Variants in HS3ST4 observed in about 807,000 individuals in gnomAD.
The protein encoded by HS3ST4 is heparan sulfate glucosamine 3-O-sulfotransferase 4.
A neutral mutation model predicts 29.2 loss-of-function variants in HS3ST4; 17 were observed. The observed-to-expected ratio is 0.58, with a 90% confidence interval of 0.40 to 0.87. The LOEUF (loss-of-function observed/expected upper bound fraction) is 0.87, where lower values mean the gene tolerates loss of function less well. HS3ST4 is among the 40% of genes least tolerant of loss of function. The pLI is 0.00. For synonymous variants in HS3ST4, 314 were observed against 285.7 expected, an observed-to-expected ratio of 1.10 and a Z score of -1.00; for missense variants, 627 against 634.5, an observed-to-expected ratio of 0.99 and a Z score of 0.13.
Position 25,715,347 on chromosome 16 carries a change from CAAA to C in HS3ST4, c.734+22208_734+22210del, listed in dbSNP as rs57882177. Among the ~76,000 whole-genome samples the C allele has an allele frequency of 3.2e-3, 404 of 127,892 alleles. 4 individuals carry two copies. Among genetic ancestry groups the C allele is most frequent in the African/African-American group, 0.011 (382 of 34,614 alleles). The allele number at this position is 127,892 out of a possible 152,430, so 83.9% of individuals were successfully genotyped here. A position where few individuals can be genotyped will look rare whatever the true frequency, so the allele number is the denominator to read the frequency against. ...CCGTCTCAAAAAAAAAAAAAAAAACCAAAAAAAAAAAAAACTCAGCGCCTTTTG... is the reference window on the plus strand; with the variant it reads ...CCGTCTCAAAAAAAAAAAAAAAAACCAAAAAAAAAAACTCAGCGCCTTTTG... On this transcript the variant is annotated intron_variant, in intron 1 of 1. Transcript: ENST00000331351.
intron 1 of HS3ST4, among the ~76,000 whole-genome samples, chr16:25,750,047 G>T (rs1377019056): frequency 6.6e-6 from 1 of 152,188 alleles, no homozygotes; most frequent in African/African-American, 2.4e-5. Context: ...CAAAAAGGTT[G>T]TTTCCCTCCA....
intron 1 of HS3ST4, among the ~76,000 whole-genome samples, chr16:25,932,873 G>A (rs1302275579): frequency 6.6e-6 from 1 of 152,216 alleles, no homozygotes; most frequent in Non-Finnish European, 1.5e-5. Context: ...TTTCCAGACA[G>A]GGAAGGTGAA....
At chr16:25,815,710 T>C (rs1967086718) in intron 1 of HS3ST4, among the ~76,000 whole-genome samples, 1 of 152,228 alleles carries the variant, frequency 6.6e-6, no homozygotes, top group African/African-American at 2.4e-5. Flanking sequence ...TGTGAGGGGC[T>C]AACTGAAACT....
chr16:26,125,037 G>C (rs1899324021), intron 1 of HS3ST4, among the ~76,000 whole-genome samples: 1 of 152,206 alleles, frequency 6.6e-6, no homozygotes, highest in South Asian at 2.1e-4. Context: ...GGTTTATGAT[G>C]CTTGGGTGTA....
At chr16:26,028,085 C>A (rs1378087922) in intron 1 of HS3ST4, among the ~76,000 whole-genome samples, 1 of 151,804 alleles carries the variant, frequency 6.6e-6, no homozygotes, top group Non-Finnish European at 1.5e-5. Context: ...CCAGCCTGAC[C>A]AACATGGTGA....
At position 25,854,154 on chromosome 16, in the gene HS3ST4, G is replaced by A. The variant is rs138114054; in HGVS notation, c.734+161003G>A. The stretch of plus-strand genomic sequence containing the variant: ...TTGAGACAGGGTCTTTGTTGCCAAG[G>A]TTGGAGTGCAGTGGCACAATGATAG... On this transcript the variant is annotated intron_variant, in intron 1 of 1. Coordinates refer to ENST00000331351, the MANE Select transcript of HS3ST4 (RefSeq NM_006040.3). Among the ~76,000 whole-genome samples, 1,198 of 152,042 alleles carry A rather than the reference G, an allele frequency of 7.9e-3. 16 individuals are homozygous for A. The highest frequency in any genetic ancestry group is 0.027 in the African/African-American group (1,139 of 41,470).
intron 1 of HS3ST4, among the ~76,000 whole-genome samples, chr16:26,014,303 G>GA (rs2141742304): frequency 6.6e-6 from 1 of 152,242 alleles, no homozygotes; most frequent in South Asian, 2.1e-4. Context: ...ATGAATGAAT[G>GA]AAAGTTCTAT....
intron 1 of HS3ST4, among the ~76,000 whole-genome samples, chr16:25,698,411 C>T (rs1044369856): frequency 2.0e-5 from 3 of 152,136 alleles, no homozygotes; most frequent in African/African-American, 7.2e-5. Context: ...ACAGAGTGTC[C>T]TTTCTTGATT....
rs1484947897 is a variant in HS3ST4, at chr16:25,929,530, G to T, written c.735-206082G>T. 3.3e-5 allele frequency among the ~76,000 whole-genome samples: 5 copies of T among 152,186 alleles called. No homozygotes were observed. The East Asian group carries it at 7.7e-4, about 23-fold the overall frequency. ...TCCCTTGCCCCATGTGAAGACCAAA[G>T]ACAGGAAGACAAGCAAGAGTGCTTT... On this transcript the variant is annotated intron_variant, in intron 1 of 1. Coordinates refer to ENST00000331351, the MANE Select transcript of HS3ST4 (RefSeq NM_006040.3).
rs1239952092 is a variant in HS3ST4, at chr16:26,136,507, A to G, written c.*259A>G. On this transcript the variant is annotated 3_prime_UTR_variant, in exon 2 of 2. Coordinates refer to ENST00000331351, the MANE Select transcript of HS3ST4 (RefSeq NM_006040.3). ...CCACCAGAACCCACTGTTCATTCTT[A>G]TCTTCTGCTAGTTAATATAGCCTGA... The G allele has an allele frequency of 3.8e-6, 2 of 529,096 alleles. No individual in the cohort carries two copies. Among genetic ancestry groups the G allele is most frequent in the East Asian group, 3.2e-5 (1 of 30,978 alleles). 32.8% of individuals were successfully genotyped at this position (529,096 alleles called of 1,614,324 possible). A position where few individuals can be genotyped will look rare whatever the true frequency, so the allele number is the denominator to read the frequency against.
intron 1 of HS3ST4, among the ~76,000 whole-genome samples, chr16:25,812,565 G>A (rs1022068909): frequency 6.6e-6 from 1 of 152,110 alleles, no homozygotes; most frequent in African/African-American, 2.4e-5. Flanking sequence ...CTATAGAGTT[G>A]CTTTAAAAAT....
chr16:25,715,875 C>T (rs556250992), intron 1 of HS3ST4, among the ~76,000 whole-genome samples: 11 of 152,282 alleles, frequency 7.2e-5, no homozygotes, highest in Admixed American at 3.9e-4. Context: ...TCCAGCTTGG[C>T]AGCTGTCAGC....
At chr16:26,005,310 G>A (rs983741484) in intron 1 of HS3ST4, among the ~76,000 whole-genome samples, 2 of 152,144 alleles carry the variant, frequency 1.3e-5, no homozygotes, top group Non-Finnish European at 2.9e-5. Flanking sequence ...AATATAATGA[G>A]TTTTATTTTG....
chr16:25,805,776 A>G (rs1966984240), intron 1 of HS3ST4, among the ~76,000 whole-genome samples: 1 of 152,110 alleles, frequency 6.6e-6, no homozygotes, highest in Admixed American at 6.6e-5. Context: ...AACGTGTGCC[A>G]TGGTGGTTTG....
intron 1 of HS3ST4, among the ~76,000 whole-genome samples, chr16:25,728,248 C>A (rs1181723718): frequency 6.6e-6 from 1 of 152,160 alleles, no homozygotes; most frequent in Non-Finnish European, 1.5e-5. Flanking sequence ...GATCTGACTG[C>A]CTTGGCCTCT....
intron 1 of HS3ST4, among the ~76,000 whole-genome samples, chr16:25,914,714 T>A (rs1261359530): frequency 6.6e-6 from 1 of 151,724 alleles, no homozygotes; most frequent in Non-Finnish European, 1.5e-5. Context: ...CCTGTGCTAC[T>A]GGTCTTAGCC....
At chr16:26,022,142 A>T (rs567506902) in intron 1 of HS3ST4, among the ~76,000 whole-genome samples, 53 of 151,976 alleles carry the variant, frequency 3.5e-4, no homozygotes, top group East Asian at 2.3e-3. Flanking sequence ...TTTTAAAATT[A>T]TTTTTTTGTA....
chr16:25,907,955 T>A (rs1222494981), intron 1 of HS3ST4, among the ~76,000 whole-genome samples: 1 of 152,252 alleles, frequency 6.6e-6, no homozygotes, highest in Non-Finnish European at 1.5e-5. Flanking sequence ...TGTATCAGCC[T>A]GTATTAAAGC....
At chr16:25,755,942 C>T (rs1353316582) in intron 1 of HS3ST4, among the ~76,000 whole-genome samples, 1 of 152,078 alleles carries the variant, frequency 6.6e-6, no homozygotes, top group African/African-American at 2.4e-5. Context: ...ATGTCTTCAT[C>T]AGACACAAAA....
Sources: gnomAD v4.1 joint callset for allele counts (sites outside exome capture counted in the v4.1 genomes callset) on GRCh38, gnomAD v4.1.1 for gene constraint, MANE v1.5 for transcripts, NCBI Gene and HGNC (gene_info 2026-07-23, HGNC 2026-07-21) for gene names.